Variants in SLC12A8 observed in about 807,000 individuals in gnomAD.
SLC12A8 encodes the protein solute carrier family 12 member 8.
In SLC12A8, 69 loss-of-function variants were observed where a neutral mutation model predicts 75.6. That is an observed-to-expected ratio of 0.91 (90% CI 0.75 to 1.11). The LOEUF is 1.11. Among genes scored for constraint, SLC12A8 ranks in the 50% most tolerant of loss-of-function variants. The pLI is 0.00. For synonymous variants in SLC12A8, 365 were observed against 372.8 expected (o/e 0.98, Z 0.24); for missense variants, 877 against 896.7 (o/e 0.98, Z 0.28).
chr3:125,118,652 A>C (rs28668887), intron 8 of SLC12A8, 117 bp downstream of exon 8: 17 of 667,214 alleles, frequency 2.5e-5, no homozygotes, highest in Non-Finnish European at 4.3e-5. Context: ...ATTAAATTTT[A>C]AAAAGACTAT....
chr3:125,164,084 C>T (rs953175950), intron 5 of SLC12A8, among the ~76,000 whole-genome samples: 1 of 152,208 alleles, frequency 6.6e-6, no homozygotes, highest in Non-Finnish European at 1.5e-5. Context: ...AAGAGGCTCA[C>T]CTCTAACAGT....
At chr3:125,166,143 C>T (rs1346426260) in intron 5 of SLC12A8, among the ~76,000 whole-genome samples, 2 of 152,142 alleles carry the variant, frequency 1.3e-5, no homozygotes, top group Non-Finnish European at 2.9e-5. Flanking sequence ...CCAGCCCTGA[C>T]CACACCTCCG....
intron 2 of SLC12A8, among the ~76,000 whole-genome samples, chr3:125,205,320 G>C (rs1411995321): frequency 1.3e-5 from 2 of 152,134 alleles, no homozygotes; most frequent in East Asian, 3.8e-4. Context: ...ATCGACCTCT[G>C]CATGTTCTCA....
intron 8 of SLC12A8, among the ~76,000 whole-genome samples, chr3:125,111,130 C>T (rs975750283): frequency 1.3e-5 from 2 of 152,226 alleles, no homozygotes; most frequent in African/African-American, 2.4e-5. Context: ...TAGGATAGCA[C>T]CTATCGTGGT....
chr3:125,104,921 A>G (rs1345822859), intron 10 of SLC12A8, among the ~76,000 whole-genome samples: 1 of 152,204 alleles, frequency 6.6e-6, no homozygotes, highest in African/African-American at 2.4e-5. Context: ...GTGATAAAGG[A>G]GCATGGGTCA....
intron 2 of SLC12A8, among the ~76,000 whole-genome samples, chr3:125,205,772 A>T (rs1935216012): frequency 6.6e-6 from 1 of 152,218 alleles, no homozygotes; most frequent in Non-Finnish European, 1.5e-5. Context: ...CCTTCCAAAG[A>T]TTATGCCAAA....
chr3:125,169,702 C>A (rs1934367914), intron 5 of SLC12A8, among the ~76,000 whole-genome samples: 1 of 152,200 alleles, frequency 6.6e-6, no homozygotes, highest in Admixed American at 6.5e-5. Flanking sequence ...AGAATACGAA[C>A]TATACCAGAG....
rs544777346 is a variant in SLC12A8, at chr3:125,092,668, C to T, written c.1706-470G>A. Among the ~76,000 whole-genome samples, 19 of 152,218 alleles carry T rather than the reference C, an allele frequency of 1.2e-4. No homozygotes were observed. The South Asian group carries it at 3.7e-3, about 30-fold the overall frequency. On this transcript the variant is annotated intron_variant, in intron 10 of 13. Transcript: ENST00000469902. ...ACCTGTCTCAGGTATCAACCAGAAACTGATGAAGGAGAAAGATGGAGGGAG... is the reference window on the plus strand; with the variant it reads ...ACCTGTCTCAGGTATCAACCAGAAATTGATGAAGGAGAAAGATGGAGGGAG...
intron 11 of SLC12A8, 65 bp from the exon 12 acceptor site, chr3:125,091,621 G>T: frequency 9.7e-7 from 1 of 1,032,702 alleles, no homozygotes; most frequent in Non-Finnish European, 1.5e-6. Context: ...CAAGCCACAA[G>T]GCTAATGTCT....
chr3:125,084,115 G>A (rs1322189522), intron 13 of SLC12A8, 63 bp from the exon 14 acceptor site: 4 of 1,344,484 alleles, frequency 3.0e-6, no homozygotes, highest in Admixed American at 4.2e-5. Context: ...CAGTAGAGGT[G>A]AGTCTACTGG....
rs1321645938 is a variant in SLC12A8, at chr3:125,165,149, A to G, written c.622+12594T>C. 3.7e-4 allele frequency among the ~76,000 whole-genome samples: 56 copies of G among 152,150 alleles called. 1 individual carries two copies. The highest frequency in any genetic ancestry group is 3.7e-3 in the Admixed American group (56 of 15,276). On this transcript the variant is annotated intron_variant, in intron 5 of 13. Coordinates refer to ENST00000469902, the MANE Select transcript of SLC12A8 (RefSeq NM_024628.6). ...CTCCCACCATCATCATGAGGGTCAC[A>G]TGAGAGAGTGCGGAAGGCCATGCTG...
chr3:125,085,881 C>G (rs904528511), intron 13 of SLC12A8, among the ~76,000 whole-genome samples: 2 of 151,394 alleles, frequency 1.3e-5, no homozygotes, highest in Non-Finnish European at 2.9e-5. Flanking sequence ...TGACCAATCT[C>G]TATTTTAAAA....
chr3:125,146,888 C>T (rs1483188431), intron 5 of SLC12A8, among the ~76,000 whole-genome samples: 1 of 152,224 alleles, frequency 6.6e-6, no homozygotes, highest in African/African-American at 2.4e-5. Context: ...GGCCCTTCCT[C>T]CACGAGAAGC....
chr3:125,092,179 C>A lies in SLC12A8; in HGVS notation c.1725G>T (p.Arg575Ser). 1 of 1,612,322 alleles carries A rather than the reference C, an allele frequency of 6.2e-7. No homozygotes were observed. Among genetic ancestry groups the A allele is most frequent in the Non-Finnish European group, 8.5e-7 (1 of 1,178,654 alleles). ...SSGEDFFLKS[R>S]LQEQDVWRRS... ...TTCTCCAGACATCTTGTTCTTGGAG[C>A]CTGGACTTCAGGAAGAAATCTAAAA... The change falls in exon 11 of 14, where the codon AGG becomes AGT. Residue 575 changes from arginine (R) to serine (S), a missense_variant. Transcript: ENST00000469902.
At position 125,105,719 on chromosome 3, in the gene SLC12A8, G is replaced by A. The variant is rs139592313; in HGVS notation, c.1705+1762C>T. Reference sequence around the variant, plus strand: ...CTCTGGGGGCATTAAATAAGGAGAAGTCAGAGTGGCATATAAGAGTTAAAT... The same window carrying A: ...CTCTGGGGGCATTAAATAAGGAGAAATCAGAGTGGCATATAAGAGTTAAAT... On this transcript the variant is annotated intron_variant, in intron 10 of 13. Coordinates refer to ENST00000469902, the MANE Select transcript of SLC12A8 (RefSeq NM_024628.6). Among the ~76,000 whole-genome samples, 4 of 152,272 alleles carry A rather than the reference G, an allele frequency of 2.6e-5. No individual in the cohort carries two copies. In the East Asian group the frequency reaches 7.7e-4, roughly 29 times the overall value.
chr3:125,126,906 G>GA lies in SLC12A8; in HGVS notation c.737-6221dup, dbSNP rs1933224015. On this transcript the variant is annotated intron_variant, in intron 6 of 13. Transcript: ENST00000469902. The stretch of plus-strand genomic sequence containing the variant: ...ATCTGCTGCCTTTTTTTTTTTAACT[G>GA]AAAAAAGGGATCTATTACTGTTTGG... Among the ~76,000 whole-genome samples, 5 of 150,306 alleles carry GA rather than the reference G, an allele frequency of 3.3e-5. No individual in the cohort carries two copies. In the East Asian group the frequency reaches 9.7e-4, roughly 29 times the overall value.
chr3:125,119,666 A>G (rs1048145739), intron 7 of SLC12A8, among the ~76,000 whole-genome samples: 1 of 152,194 alleles, frequency 6.6e-6, no homozygotes, highest in South Asian at 2.1e-4. Context: ...TTTCTTCCCA[A>G]TGTTATTGCA....
At chr3:125,088,968 G>GAA (rs1382778415) in intron 12 of SLC12A8, among the ~76,000 whole-genome samples, 1 of 151,856 alleles carries the variant, frequency 6.6e-6, no homozygotes, top group Non-Finnish European at 1.5e-5. Context: ...TTTATCAATT[G>GAA]AAAAAAATCC....
chr3:125,107,456 C>T (rs1939056025), intron 10 of SLC12A8, 25 bp downstream of exon 10: 2 of 1,580,446 alleles, frequency 1.3e-6, no homozygotes. Context: ...AATAAGAGGC[C>T]CCAGTGTGAT....
Sources: gnomAD v4.1 joint callset for allele counts (sites outside exome capture counted in the v4.1 genomes callset) on GRCh38, gnomAD v4.1.1 for gene constraint, MANE v1.5 for transcripts, NCBI Gene and HGNC (gene_info 2026-07-23, HGNC 2026-07-21) for gene names.